ZCCHC17: variants seen among roughly 807,000 people sequenced by gnomAD.
The protein encoded by ZCCHC17 is zinc finger CCHC-type containing 17.
ZCCHC17 carries 18 observed loss-of-function variants against 30.6 expected under a neutral mutation model. That is an observed-to-expected ratio of 0.59 (90% CI 0.41 to 0.87). The LOEUF (loss-of-function observed/expected upper bound fraction) is 0.87, where lower values mean the gene tolerates loss of function less well. ZCCHC17 is among the 40% of genes least tolerant of loss of function. The pLI, the probability that ZCCHC17 is intolerant of heterozygous loss-of-function variation, is 0.00. For missense variants in ZCCHC17, 263 were observed against 284.2 expected (o/e 0.93, Z 0.54); for synonymous variants, 88 against 92.4 (o/e 0.95, Z 0.27).
chr1:31,299,035 T>C (rs1370312258), intron 1 of ZCCHC17, among the ~76,000 whole-genome samples: 1 of 152,196 alleles, frequency 6.6e-6, no homozygotes, highest in Non-Finnish European at 1.5e-5. Flanking sequence ...GCTTTTATCA[T>C]CATGGAGGTC....
intron 7 of ZCCHC17, among the ~76,000 whole-genome samples, chr1:31,362,129 T>C (rs12756878): frequency 0.025 from 3,799 of 152,230 alleles, 63 homozygotes; most frequent in Middle Eastern, 0.037. Flanking sequence ...TATTCTTATC[T>C]CCAGTTTACA....
rs149643363 is a variant in ZCCHC17 at position 31,361,969 on chromosome 1, A to C, written c.565-2063A>C. Among the ~76,000 whole-genome samples the C allele has an allele frequency of 4.0e-4, 60 of 151,804 alleles. 3 individuals are homozygous for C. In the East Asian group the frequency reaches 0.011, roughly 29 times the overall value. On this transcript the variant is annotated intron_variant, in intron 7 of 7. Transcript: ENST00000344147. ...TGGGACTACAGGCCCGCGTAACCAC[A>C]CCCGGCCAATTTTTGTATTTTTAGT...
At position 31,364,199 on chromosome 1, in the gene ZCCHC17, TAA is replaced by T. The variant is rs746356859; in HGVS notation, c.*8_*9del. On this transcript the variant is annotated 3_prime_UTR_variant, in exon 8 of 8. Coordinates refer to ENST00000344147, the MANE Select transcript of ZCCHC17 (RefSeq NM_016505.4). The stretch of plus-strand genomic sequence containing the variant: ...AGAAGAAGCACAAGGAGTGAGAGTA[TAA>T]AGAGTGTAGGGGGTGGTTGAGAGTA... The T allele has an allele frequency of 6.2e-7, 1 of 1,611,242 alleles. No homozygotes were observed. The highest frequency in any genetic ancestry group is 1.3e-5 in the African/African-American group (1 of 74,710).
intron 7 of ZCCHC17, among the ~76,000 whole-genome samples, chr1:31,358,662 G>T (rs563474795): frequency 2.6e-5 from 4 of 152,048 alleles, no homozygotes; most frequent in Non-Finnish European, 2.9e-5. Context: ...AGTTTAGTTT[G>T]AGTTGCTGTC....
chr1:31,324,483 C>A (rs897697218), intron 3 of ZCCHC17, among the ~76,000 whole-genome samples: 1 of 152,216 alleles, frequency 6.6e-6, no homozygotes, highest in African/African-American at 2.4e-5. Flanking sequence ...GGCTGCAGAC[C>A]CAGGCATCCC....
chr1:31,357,028 GTGTTA>G (rs1160520820), intron 7 of ZCCHC17, among the ~76,000 whole-genome samples: 1 of 152,136 alleles, frequency 6.6e-6, no homozygotes, highest in Non-Finnish European at 1.5e-5. Flanking sequence ...TTCTGAATCG[GTGTTA>G]TGTTATGAAG....
intron 3 of ZCCHC17, among the ~76,000 whole-genome samples, chr1:31,329,476 T>C (rs1285308539): frequency 6.6e-6 from 1 of 152,232 alleles, no homozygotes; most frequent in African/African-American, 2.4e-5. Flanking sequence ...TATTTAGCAG[T>C]GGATTCAGTT....
chr1:31,334,337 CTG>C (rs59851204), intron 3 of ZCCHC17, among the ~76,000 whole-genome samples: 3,875 of 85,196 alleles, frequency 0.045, 105 homozygotes, highest in Admixed American at 0.049. Flanking sequence ...CTCTCTCTCT[CTG>C]TGTGTGTGTG....
At position 31,309,997 on chromosome 1, in the gene ZCCHC17, T is replaced by A. The variant is rs1646559415; in HGVS notation, c.-55-47T>A. On this transcript the variant is annotated intron_variant, in intron 1 of 7. Coordinates refer to ENST00000344147, the MANE Select transcript of ZCCHC17 (RefSeq NM_016505.4). ...TGTGGATTGTCTGCATATTCATTTCTTTAATGCAGATATCTCTCTAATTGG... is the reference window on the plus strand; with the variant it reads ...TGTGGATTGTCTGCATATTCATTTCATTAATGCAGATATCTCTCTAATTGG... 3 of 1,107,364 alleles carry A rather than the reference T, an allele frequency of 2.7e-6. No homozygotes were observed. The Admixed American group carries it at 5.8e-5, about 22-fold the overall frequency. 68.6% of individuals were successfully genotyped at this position (1,107,364 alleles called of 1,614,324 possible). A position where few individuals can be genotyped will look rare whatever the true frequency, so the allele number is the denominator to read the frequency against.
chr1:31,320,235 A>G (rs571824176), intron 3 of ZCCHC17, among the ~76,000 whole-genome samples: 1 of 152,340 alleles, frequency 6.6e-6, no homozygotes, highest in African/African-American at 2.4e-5. Context: ...CCTCTCCAGA[A>G]ATTATACTGA....
chr1:31,332,323 G>A (rs1014506212), intron 3 of ZCCHC17, among the ~76,000 whole-genome samples: 4 of 152,072 alleles, frequency 2.6e-5, no homozygotes, highest in African/African-American at 7.2e-5. Flanking sequence ...ATTCAAGATC[G>A]AGGGCGAGGG....
intron 1 of ZCCHC17, among the ~76,000 whole-genome samples, chr1:31,306,400 T>G (rs1646458368): frequency 1.3e-5 from 2 of 152,240 alleles, no homozygotes; most frequent in Non-Finnish European, 2.9e-5. Flanking sequence ...GCACTTAATA[T>G]ACACTGAGTG....
chr1:31,302,589 A>G (rs141787958), intron 1 of ZCCHC17, among the ~76,000 whole-genome samples: 326 of 152,338 alleles, frequency 2.1e-3, no homozygotes, highest in Non-Finnish European at 3.7e-3. Flanking sequence ...TAGACCGTGT[A>G]TTAGCCCATT....
intron 3 of ZCCHC17, among the ~76,000 whole-genome samples, chr1:31,322,120 G>A (rs963417942): frequency 1.3e-5 from 2 of 152,162 alleles, no homozygotes; most frequent in Admixed American, 1.3e-4. Flanking sequence ...CTGAACAAGA[G>A]CCAGTCGATT....
chr1:31,338,629 G>A (rs574825542), intron 4 of ZCCHC17, among the ~76,000 whole-genome samples: 2 of 152,186 alleles, frequency 1.3e-5, no homozygotes, highest in East Asian at 1.9e-4. Context: ...TCTGGACTTA[G>A]GGATATCTCA....
intron 3 of ZCCHC17, among the ~76,000 whole-genome samples, chr1:31,330,260 CAT>C (rs1349178338): frequency 2.0e-5 from 3 of 152,204 alleles, no homozygotes; most frequent in African/African-American, 2.4e-5. Flanking sequence ...CTGTTACTCT[CAT>C]GTGGTGATTG....
rs541987507 is a variant in ZCCHC17, at chr1:31,322,276, C to T, written c.124+3110C>T. Among the ~76,000 whole-genome samples, 30 of 152,290 alleles carry T rather than the reference C, an allele frequency of 2.0e-4. No homozygotes were observed. In the South Asian group the frequency reaches 6.0e-3, roughly 30 times the overall value. On this transcript the variant is annotated intron_variant, in intron 3 of 7. Transcript: ENST00000344147. ...GATTCCACAAACTTAAGGGCTCAGT[C>T]CCACATGACTACCCTCACTTCAGAT...
At chr1:31,362,815 T>C (rs1639966659) in intron 7 of ZCCHC17, among the ~76,000 whole-genome samples, 1 of 152,182 alleles carries the variant, frequency 6.6e-6, no homozygotes, top group Non-Finnish European at 1.5e-5. Flanking sequence ...AGCTTTAATG[T>C]CCTGCACTTT....
At chr1:31,343,897 C>A (rs952325286) in intron 5 of ZCCHC17, among the ~76,000 whole-genome samples, 20 of 142,646 alleles carry the variant, frequency 1.4e-4, no homozygotes, top group Non-Finnish European at 2.6e-4. Flanking sequence ...CTCTTGTTGC[C>A]CAGGCTGGAG....
Sources: allele counts gnomAD v4.1 joint callset (sites outside exome capture counted in the v4.1 genomes callset), GRCh38; gene constraint gnomAD v4.1.1; transcripts MANE v1.5; gene names NCBI Gene and HGNC (gene_info 2026-07-23, HGNC 2026-07-21).